SVOPL: variants seen among roughly 807,000 people sequenced by gnomAD.
SVOPL encodes SVOP like, also known as putative transporter SVOPL.
Under a neutral mutation model 61.0 loss-of-function variants are expected in SVOPL, and 60 were observed. The ratio of observed to expected loss-of-function variants is 0.98; its 90% CI spans 0.80 to 1.22. The LOEUF (loss-of-function observed/expected upper bound fraction) is 1.22, where lower values mean the gene tolerates loss of function less well. Ranked by LOEUF, SVOPL falls within the 50% of genes most tolerant of loss-of-function variation. SVOPL has a pLI of 0.00. For missense variants in SVOPL, 662 were observed against 643.9 expected, an observed-to-expected ratio of 1.03 and a Z score of -0.30; for synonymous variants, 279 against 250.0, an observed-to-expected ratio of 1.12 and a Z score of -1.09.
intron 1 of SVOPL, among the ~76,000 whole-genome samples, chr7:138,681,926 A>G (rs1261244274): frequency 6.6e-6 from 1 of 152,206 alleles, no homozygotes; most frequent in African/African-American, 2.4e-5. Flanking sequence ...AAACACATTG[A>G]AGATGTTAAA....
At chr7:138,652,711 G>A (rs951078927) in intron 7 of SVOPL, among the ~76,000 whole-genome samples, 5 of 151,958 alleles carry the variant, frequency 3.3e-5, no homozygotes, top group Middle Eastern at 3.4e-3. Flanking sequence ...TGCAACCTCC[G>A]CCTCCCAGGT....
At chr7:138,611,051 G>A (rs1435217904) in intron 14 of SVOPL, among the ~76,000 whole-genome samples, 3 of 152,144 alleles carry the variant, frequency 2.0e-5, no homozygotes, top group Admixed American at 6.5e-5. Flanking sequence ...TCAGTTCACC[G>A]TGGACTCTTC....
intron 4 of SVOPL, among the ~76,000 whole-genome samples, chr7:138,664,557 G>T (rs955941028): frequency 1.4e-5 from 2 of 144,266 alleles, no homozygotes; most frequent in Non-Finnish European, 1.5e-5. Context: ...TCCATCAGGC[G>T]CGCGCCTAAC....
chr7:138,648,497 C>G (rs767217047), intron 8 of SVOPL, among the ~76,000 whole-genome samples: 1 of 130,558 alleles, frequency 7.7e-6, no homozygotes, highest in African/African-American at 3.0e-5. Flanking sequence ...GTCAGGAGAT[C>G]GAGACCACGG....
chr7:138,647,866 AAT>A (rs199944108), intron 8 of SVOPL, among the ~76,000 whole-genome samples: 4,512 of 148,756 alleles, frequency 0.03, 179 homozygotes, highest in East Asian at 0.15. Context: ...AAAAAAAAAA[AAT>A]AGTCACATGC....
At chr7:138,625,931 A>C in intron 13 of SVOPL, 38 bp downstream of exon 13, 6 of 1,609,038 alleles carry the variant, frequency 3.7e-6, no homozygotes, top group Non-Finnish European at 5.1e-6. Flanking sequence ...AGCTCACCTT[A>C]CACACCCTTT....
At chr7:138,646,515 TG>T (rs1801120133) in intron 8 of SVOPL, 1 of 153,824 alleles carries the variant, frequency 6.5e-6, no homozygotes, top group African/African-American at 2.4e-5. Flanking sequence ...TTTTTGTTGT[TG>T]TTGGTTTTTT....
At chr7:138,691,670 A>G (rs1444656394) in intron 1 of SVOPL, among the ~76,000 whole-genome samples, 1 of 152,014 alleles carries the variant, frequency 6.6e-6, no homozygotes, top group East Asian at 1.9e-4. Context: ...CCTCCCGAGA[A>G]GCCGGGATTA....
At chr7:138,617,422 A>G (rs1419751967) in intron 14 of SVOPL, among the ~76,000 whole-genome samples, 1 of 152,240 alleles carries the variant, frequency 6.6e-6, no homozygotes, top group East Asian at 1.9e-4. Context: ...GGAAAAAGAA[A>G]AAGTGGAAGA....
At chr7:138,628,449 A>G (rs190737304) in intron 10 of SVOPL, 86 bp from the exon 11 acceptor site, 2 of 1,383,086 alleles carry the variant, frequency 1.4e-6, no homozygotes, top group East Asian at 2.3e-5. Context: ...TGGAACGTGT[A>G]GCATGTGGAA....
chr7:138,689,402 C>A, intron 1 of SVOPL: 1 of 1,369,462 alleles, frequency 7.3e-7, no homozygotes, highest in Non-Finnish European at 1.0e-6. Flanking sequence ...CATGCATGAG[C>A]TCTCCCTGCC....
At chr7:138,651,616 A>G (rs1407746813) in intron 7 of SVOPL, among the ~76,000 whole-genome samples, 2 of 152,170 alleles carry the variant, frequency 1.3e-5, no homozygotes, top group East Asian at 1.9e-4. Flanking sequence ...TTCAAACTTT[A>G]TCATTATTTT....
intron 9 of SVOPL, among the ~76,000 whole-genome samples, chr7:138,641,920 TGTGTATAC>T (rs1210528174): frequency 2.6e-5 from 1 of 39,120 alleles, no homozygotes; most frequent in Non-Finnish European, 5.1e-5. Context: ...TATATATGTA[TGTGTATAC>T]ACACACACAC....
At chr7:138,656,137 C>G (rs1801719149) in intron 7 of SVOPL, among the ~76,000 whole-genome samples, 2 of 152,104 alleles carry the variant, frequency 1.3e-5, no homozygotes, top group African/African-American at 2.4e-5. Flanking sequence ...CTTCTACCAG[C>G]AAAAAGATTA....
chr7:138,623,778 A>G (rs1799777339), intron 13 of SVOPL, among the ~76,000 whole-genome samples: 1 of 152,160 alleles, frequency 6.6e-6, no homozygotes, highest in Non-Finnish European at 1.5e-5. Context: ...GTTTTTAATT[A>G]TGCAAAATTA....
At chr7:138,671,697 A>G (rs1802421732) in intron 4 of SVOPL, among the ~76,000 whole-genome samples, 2 of 152,214 alleles carry the variant, frequency 1.3e-5, no homozygotes, top group African/African-American at 2.4e-5. Flanking sequence ...GAGTAACAGT[A>G]TAATTCAGCG....
chr7:138,622,006 GTATCTATCTATGTATCTATC>G lies in SVOPL; in HGVS notation c.1264-891_1264-872del, dbSNP rs1563095903. ...TCTATCTATGTATCTATCTATCTAT[GTATCTATCTATGTATCTATC>G]TATCTATCTATGTATCTATCTATCT... On this transcript the variant is annotated intron_variant, in intron 13 of 15. Coordinates refer to ENST00000674285, the MANE Select transcript of SVOPL (RefSeq NM_001139456.2). Among the ~76,000 whole-genome samples, 50 of 8,848 alleles carry G rather than the reference GTATCTATCTATGTATCTATC, an allele frequency of 5.7e-3. 3 individuals are homozygous for G. The South Asian group carries it at 0.057, about 10-fold the overall frequency. 5.8% of individuals were successfully genotyped at this position (8,848 alleles called of 152,430 possible). A position where few individuals can be genotyped will look rare whatever the true frequency, so the allele number is the denominator to read the frequency against.
chr7:138,642,848 A>AAAAAAAAAAAAAAG (rs1437306629), intron 9 of SVOPL, among the ~76,000 whole-genome samples: 1 of 35,448 alleles, frequency 2.8e-5, no homozygotes, highest in African/African-American at 5.5e-5. Context: ...AAAAAAAAAA[A>AAAAAAAAAAAAAAG]AAGAAGAAAC....
chr7:138,657,973 A>G (rs1277046742), intron 6 of SVOPL, among the ~76,000 whole-genome samples: 1 of 152,190 alleles, frequency 6.6e-6, no homozygotes, highest in African/African-American at 2.4e-5. Context: ...CTGTCCTGGC[A>G]CCACTGGGAG....
Sources: gnomAD v4.1 joint callset for allele counts (sites outside exome capture counted in the v4.1 genomes callset) on GRCh38, gnomAD v4.1.1 for gene constraint, MANE v1.5 for transcripts, NCBI Gene and HGNC (gene_info 2026-07-23, HGNC 2026-07-21) for gene names.